Variants in DOCK1 observed in about 807,000 individuals in gnomAD.
The protein encoded by DOCK1 is dedicator of cytokinesis 1, also known as dedicator of cytokinesis protein 1.
In DOCK1, 138 loss-of-function variants were observed where a neutral mutation model predicts 262.7. The ratio of observed to expected loss-of-function variants is 0.53; its 90% CI spans 0.46 to 0.61. The LOEUF (loss-of-function observed/expected upper bound fraction) is 0.61, where lower values mean the gene tolerates loss of function less well. DOCK1 is among the 20% of genes least tolerant of loss of function. DOCK1 has a pLI of 0.00. For synonymous variants in DOCK1, 866 were observed against 867.4 expected (o/e 1.00, Z 0.03); for missense variants, 1,908 against 2,370.7 (o/e 0.80, Z 4.05).
intron 33 of DOCK1, among the ~76,000 whole-genome samples, chr10:127,364,810 TCCTC>T (rs568915146): frequency 4.9e-4 from 75 of 152,140 alleles, no homozygotes; most frequent in African/African-American, 1.5e-3. Context: ...CCTTCTTCCT[TCCTC>T]CCTCCCTCCC....
intron 33 of DOCK1, among the ~76,000 whole-genome samples, chr10:127,362,836 T>C (rs866547346): frequency 1.5e-4 from 1 of 6,596 alleles, no homozygotes; most frequent in Non-Finnish European, 3.6e-4. Context: ...CACCCACACA[T>C]ACACACACAC....
At chr10:127,040,286 C>G (rs1166001979) in intron 19 of DOCK1, among the ~76,000 whole-genome samples, 1 of 152,224 alleles carries the variant, frequency 6.6e-6, no homozygotes, top group Non-Finnish European at 1.5e-5. Context: ...TGATTAATCC[C>G]TTGACATCCA....
At chr10:127,151,617 T>C (rs1477615902) in intron 27 of DOCK1, among the ~76,000 whole-genome samples, 3 of 152,204 alleles carry the variant, frequency 2.0e-5, no homozygotes, top group Non-Finnish European at 4.4e-5. Context: ...TTTCTGAAGA[T>C]GCCACCCAAA....
At chr10:127,183,071 CTTTTTTTTTT>C (rs3066813) in intron 27 of DOCK1, among the ~76,000 whole-genome samples, 42 of 88,632 alleles carry the variant, frequency 4.7e-4, no homozygotes, top group African/African-American at 1.6e-3. Context: ...TATGGTGAAT[CTTTTTTTTTT>C]TTTTTTTTTT....
At chr10:126,930,706 G>A (rs2034123804) in intron 1 of DOCK1, among the ~76,000 whole-genome samples, 3 of 152,222 alleles carry the variant, frequency 2.0e-5, no homozygotes. Flanking sequence ...GCCAAGGCAA[G>A]GTTTTGCCAA....
Position 127,176,394 on chromosome 10 carries a change from A to T in DOCK1, c.2847+48630A>T. On this transcript the variant is annotated intron_variant, in intron 27 of 51. Transcript: ENST00000623213. The surrounding 1 kb of genome is among the most constrained non-coding windows in gnomAD (Gnocchi z 4.4). ...GCATTTGCCGGTGTCCTTACTGACC[A>T]TGGTTCCTGCATTCAGAAACAGCAA... 1 of 1,598,628 alleles carries T rather than the reference A, an allele frequency of 6.3e-7. No homozygotes were observed. Among genetic ancestry groups the T allele is most frequent in the East Asian group, 2.2e-5 (1 of 44,682 alleles).
At chr10:126,949,493 C>T (rs1209178186) in intron 1 of DOCK1, among the ~76,000 whole-genome samples, 1 of 152,106 alleles carries the variant, frequency 6.6e-6, no homozygotes, top group African/African-American at 2.4e-5. Flanking sequence ...ATGATGAGAC[C>T]CATTCTTGTG....
chr10:126,948,458 T>G (rs1186053033), intron 1 of DOCK1, among the ~76,000 whole-genome samples: 23 of 151,520 alleles, frequency 1.5e-4, no homozygotes, highest in South Asian at 2.1e-4. Flanking sequence ...GGTGATTGTG[T>G]TGGTAGTACT....
chr10:127,407,664 T>C (rs1687618703), intron 40 of DOCK1, among the ~76,000 whole-genome samples: 1 of 152,180 alleles, frequency 6.6e-6, no homozygotes, highest in African/African-American at 2.4e-5. Context: ...CCTCTCTGTC[T>C]GTCTCTGTCT....
chr10:127,410,453 G>A (rs2067777122), intron 42 of DOCK1, among the ~76,000 whole-genome samples: 1 of 152,214 alleles, frequency 6.6e-6, no homozygotes, highest in Admixed American at 6.5e-5. Flanking sequence ...CACTCTTGGG[G>A]TGGTTGCAAA....
intron 2 of DOCK1, among the ~76,000 whole-genome samples, 195 bp downstream of exon 2, chr10:126,970,980 A>C (rs2038061294): frequency 1.3e-5 from 2 of 151,998 alleles, no homozygotes; most frequent in African/African-American, 4.8e-5. Flanking sequence ...TACTTTCTGA[A>C]GGTGAACTTA....
chr10:126,942,678 C>T (rs947638643), intron 1 of DOCK1, among the ~76,000 whole-genome samples: 2,057 of 152,168 alleles, frequency 0.014, 15 homozygotes, highest in Middle Eastern at 0.037. Context: ...TCCATTATCC[C>T]GTTTATTTTT....
intron 1 of DOCK1, among the ~76,000 whole-genome samples, chr10:126,948,538 A>G (rs2035823509): frequency 1.3e-5 from 2 of 151,694 alleles, no homozygotes; most frequent in African/African-American, 2.4e-5. Flanking sequence ...ATCTGGATGA[A>G]CCTCTTTTTT....
chr10:126,984,488 A>C (rs1197541446), intron 4 of DOCK1, among the ~76,000 whole-genome samples: 1 of 151,110 alleles, frequency 6.6e-6, no homozygotes, highest in African/African-American at 2.4e-5. Flanking sequence ...CTGGGACTAC[A>C]GGCATTCACC....
intron 29 of DOCK1, among the ~76,000 whole-genome samples, chr10:127,309,451 C>T (rs572896341): frequency 4.1e-5 from 6 of 146,454 alleles, no homozygotes; most frequent in East Asian, 2.2e-4. Context: ...AATTAAATCC[C>T]GGTTGTCAAT....
chr10:127,041,549 T>C (rs1255376485), intron 19 of DOCK1, among the ~76,000 whole-genome samples: 1 of 152,256 alleles, frequency 6.6e-6, no homozygotes, highest in African/African-American at 2.4e-5. Flanking sequence ...TGTGAACATA[T>C]GTTTCCTTTC....
chr10:126,920,697 A>C (rs2033097683), intron 1 of DOCK1, among the ~76,000 whole-genome samples: 1 of 152,270 alleles, frequency 6.6e-6, no homozygotes, highest in Non-Finnish European at 1.5e-5. Context: ...TTGCAGGCCA[A>C]GAGGCAAAAT....
chr10:127,169,334 C>T (rs1299775838), intron 27 of DOCK1, among the ~76,000 whole-genome samples: 1 of 152,188 alleles, frequency 6.6e-6, no homozygotes, highest in Non-Finnish European at 1.5e-5. Context: ...TCTCACATCC[C>T]CTCATTGCCT....
intron 27 of DOCK1, among the ~76,000 whole-genome samples, chr10:127,130,065 C>CTTTTTTTTTTTTTTTTTTTTTTTTT (rs74721427): frequency 8.5e-6 from 1 of 117,546 alleles, no homozygotes; most frequent in African/African-American, 3.9e-5. Context: ...TTAGGGTCTT[C>CTTTTTTTTTTTTTTTTTTTTTTTTT]TTTTTTTTTT....
Sources: gnomAD v4.1 joint callset for allele counts (sites outside exome capture counted in the v4.1 genomes callset) on GRCh38, gnomAD v4.1.1 for gene constraint, Gnocchi (gnomAD v3.1) non-coding constraint, MANE v1.5 for transcripts, NCBI Gene and HGNC (gene_info 2026-07-23, HGNC 2026-07-21) for gene names.